GALNTL6: variants seen among roughly 807,000 people sequenced by gnomAD.
GALNTL6 encodes the protein polypeptide N-acetylgalactosaminyltransferase-like 6.
A neutral mutation model predicts 73.7 loss-of-function variants in GALNTL6; 46 were observed. That is an observed-to-expected ratio of 0.62 (90% CI 0.49 to 0.80). The LOEUF is 0.80. GALNTL6 is among the 30% of genes least tolerant of loss of function. The probability of loss-of-function intolerance (pLI) is 0.00; values close to 1 mark genes in which losing one functional copy is unlikely to be tolerated. For missense variants in GALNTL6, 604 were observed against 755.0 expected (o/e 0.80, Z 2.34); for synonymous variants, 259 against 263.7 (o/e 0.98, Z 0.17).
intron 5 of GALNTL6, among the ~76,000 whole-genome samples, chr4:172,500,822 C>T (rs1042257860): frequency 1.3e-5 from 2 of 151,902 alleles, no homozygotes; most frequent in Non-Finnish European, 2.9e-5. Flanking sequence ...TCATATTTGA[C>T]GGTTGAAGCA....
intron 5 of GALNTL6, among the ~76,000 whole-genome samples, chr4:172,715,724 C>T (rs1378976602): frequency 6.6e-6 from 1 of 152,066 alleles, no homozygotes; most frequent in African/African-American, 2.4e-5. Flanking sequence ...CTACTTTTTA[C>T]AATGAAAAAG....
intron 2 of GALNTL6, among the ~76,000 whole-genome samples, chr4:172,185,993 A>T (rs1363712649): frequency 6.6e-6 from 1 of 152,208 alleles, no homozygotes; most frequent in Non-Finnish European, 1.5e-5. Context: ...TGAAATGAAG[A>T]TATAAAACTA....
chr4:172,902,058 A>G (rs1284954240), intron 8 of GALNTL6, among the ~76,000 whole-genome samples: 2 of 152,186 alleles, frequency 1.3e-5, no homozygotes, highest in Non-Finnish European at 2.9e-5. Flanking sequence ...TTGAGCATCT[A>G]ATGTATGCCA....
intron 12 of GALNTL6, among the ~76,000 whole-genome samples, chr4:173,036,498 C>T (rs1016883227): frequency 1.3e-5 from 2 of 152,144 alleles, no homozygotes; most frequent in African/African-American, 2.4e-5. Context: ...AAGGGTGGAC[C>T]GATCGACTGG....
intron 2 of GALNTL6, among the ~76,000 whole-genome samples, chr4:172,171,748 C>G (rs1734836631): frequency 6.7e-6 from 1 of 148,646 alleles, no homozygotes; most frequent in African/African-American, 2.6e-5. Context: ...TTGCTTGAGC[C>G]TGGAAGGCAC....
chr4:172,967,744 T>G (rs1263113491), intron 10 of GALNTL6, among the ~76,000 whole-genome samples: 1 of 152,182 alleles, frequency 6.6e-6, no homozygotes, highest in Non-Finnish European at 1.5e-5. Context: ...TGTGCCTAAT[T>G]TATAAAGTAA....
intron 5 of GALNTL6, among the ~76,000 whole-genome samples, chr4:172,503,700 G>C (rs1012755751): frequency 7.3e-5 from 11 of 151,254 alleles, no homozygotes; most frequent in Admixed American, 1.3e-4. Context: ...GTACAGACAG[G>C]TACACTATAT....
intron 4 of GALNTL6, among the ~76,000 whole-genome samples, chr4:172,333,836 T>C (rs1360865260): frequency 1.3e-5 from 2 of 152,192 alleles, no homozygotes; most frequent in Non-Finnish European, 2.9e-5. Context: ...TGTTTAAGTC[T>C]TTAATATATC....
intron 2 of GALNTL6, among the ~76,000 whole-genome samples, chr4:172,085,459 G>C (rs1175999338): frequency 1.3e-5 from 2 of 152,036 alleles, no homozygotes; most frequent in South Asian, 4.2e-4. Flanking sequence ...AGGCCAAGGC[G>C]GGAGGATCAC....
intron 2 of GALNTL6, among the ~76,000 whole-genome samples, chr4:172,221,285 A>T (rs1185330842): frequency 6.6e-6 from 1 of 151,838 alleles, no homozygotes; most frequent in African/African-American, 2.4e-5. Context: ...GTTTAAGATA[A>T]TATTGATTCT....
intron 5 of GALNTL6, among the ~76,000 whole-genome samples, chr4:172,379,241 A>G (rs1396240993): frequency 2.0e-5 from 3 of 152,216 alleles, no homozygotes; most frequent in Non-Finnish European, 4.4e-5. Flanking sequence ...ATTCTAAAGA[A>G]CAGGTTAGGC....
intron 2 of GALNTL6, among the ~76,000 whole-genome samples, chr4:172,100,031 T>C (rs1220662396): frequency 6.6e-6 from 1 of 152,096 alleles, no homozygotes; most frequent in Non-Finnish European, 1.5e-5. Flanking sequence ...GGAGATACTA[T>C]ATTAGCATAC....
chr4:172,945,641 A>C (rs969848226), intron 9 of GALNTL6, among the ~76,000 whole-genome samples: 2 of 152,216 alleles, frequency 1.3e-5, no homozygotes, highest in African/African-American at 4.8e-5. Context: ...AGAGAAAGCT[A>C]ACCCTTGTTC....
chr4:172,417,943 A>C (rs1293643540), intron 5 of GALNTL6, among the ~76,000 whole-genome samples: 1 of 152,130 alleles, frequency 6.6e-6, no homozygotes, highest in Non-Finnish European at 1.5e-5. Flanking sequence ...AGTTTTTTTG[A>C]GTCTGTTTCA....
chr4:171,814,292 T>A, intron 1 of GALNTL6, 120 bp from the exon 2 acceptor site: 1 of 464,682 alleles, frequency 2.2e-6, no homozygotes, highest in Non-Finnish European at 3.8e-6. Flanking sequence ...TATTGCTTTA[T>A]ATTAATGGAG....
intron 5 of GALNTL6, among the ~76,000 whole-genome samples, chr4:172,733,429 G>C (rs760331847): frequency 4.6e-5 from 7 of 151,662 alleles, no homozygotes; most frequent in Non-Finnish European, 8.8e-5. Context: ...TGTCCCTGCC[G>C]AAATCTCGTC....
chr4:172,761,055 A>C (rs1738055123), intron 5 of GALNTL6, among the ~76,000 whole-genome samples: 1 of 152,162 alleles, frequency 6.6e-6, no homozygotes, highest in Non-Finnish European at 1.5e-5. Flanking sequence ...AACAAGGAAA[A>C]ATCTAGGGAG....
chr4:172,683,422 C>T (rs1411447997), intron 5 of GALNTL6, among the ~76,000 whole-genome samples: 3 of 152,178 alleles, frequency 2.0e-5, no homozygotes, highest in Admixed American at 1.3e-4. Context: ...TATATGCATC[C>T]AATATAACTA....
At chr4:173,027,654 T>C (rs1467745031) in intron 12 of GALNTL6, among the ~76,000 whole-genome samples, 1 of 152,230 alleles carries the variant, frequency 6.6e-6, no homozygotes, top group Non-Finnish European at 1.5e-5. Flanking sequence ...AAATAGAATG[T>C]TGACTATAAT....
Sources: allele counts gnomAD v4.1 joint callset (sites outside exome capture counted in the v4.1 genomes callset), GRCh38; gene constraint gnomAD v4.1.1; transcripts MANE v1.5; gene names NCBI Gene and HGNC (gene_info 2026-07-23, HGNC 2026-07-21).